COL4A4: variants seen among roughly 807,000 people sequenced by gnomAD.
The protein encoded by COL4A4 is collagen type IV alpha 4 chain.
A neutral mutation model predicts 192.9 loss-of-function variants in COL4A4; 105 were observed. The ratio of observed to expected loss-of-function variants is 0.54; its 90% CI spans 0.46 to 0.64. COL4A4 has a LOEUF of 0.64. Ranked by LOEUF, COL4A4 falls within the 30% of genes least tolerant of loss-of-function variation. COL4A4 has a pLI of 0.00. For synonymous variants in COL4A4, 762 were observed against 769.9 expected, an observed-to-expected ratio of 0.99 and a Z score of 0.17; for missense variants, 1,967 against 2,169.3, an observed-to-expected ratio of 0.91 and a Z score of 1.85.
At chr2:226,987,319 G>A in the COL4A4 span, among the ~76,000 whole-genome samples, 2 of 152,028 alleles carry the variant, frequency 1.3e-5, no homozygotes, top group Non-Finnish European at 2.9e-5. Flanking sequence ...TTCTGCACAC[G>A]TATCCCAGAA....
chr2:227,023,673 G>A (rs919029254), intron 43 of COL4A4, among the ~76,000 whole-genome samples: 5 of 152,056 alleles, frequency 3.3e-5, no homozygotes, highest in African/African-American at 4.8e-5. Context: ...AAATCCTCCC[G>A]AGAAGACTGT....
the COL4A4 span, among the ~76,000 whole-genome samples, chr2:226,993,624 T>C: frequency 6.6e-6 from 1 of 152,180 alleles, no homozygotes; most frequent in Non-Finnish European, 1.5e-5. Context: ...TGGGGTGTTC[T>C]AGTCAGGAAG....
chr2:227,109,088 G>A, intron 10 of COL4A4, 136 bp downstream of exon 10: 1 of 945,872 alleles, frequency 1.1e-6, no homozygotes, highest in Middle Eastern at 2.1e-4. Flanking sequence ...ACTGATAATG[G>A]TGGGTTTTCA....
chr2:227,017,666 C>A (rs958093246), intron 44 of COL4A4, among the ~76,000 whole-genome samples: 1 of 152,180 alleles, frequency 6.6e-6, no homozygotes, highest in African/African-American at 2.4e-5. Context: ...ACTAATCGAC[C>A]CACTTCGTGT....
chr2:227,009,524 C>T (rs1334141017), intron 46 of COL4A4, among the ~76,000 whole-genome samples: 2 of 151,942 alleles, frequency 1.3e-5, no homozygotes, highest in Admixed American at 1.3e-4. Context: ...GCCGCAAGAC[C>T]CCAGCTCTAC....
chr2:227,080,653 G>C (rs2059276133), intron 23 of COL4A4, 104 bp from the exon 24 acceptor site: 3 of 957,038 alleles, frequency 3.1e-6, no homozygotes, highest in Non-Finnish European at 4.9e-6. Flanking sequence ...TGGGTTGGTA[G>C]TTTCCTGTGT....
rs369714481 is a variant in COL4A4, at chr2:227,007,569, T to C, written c.4829A>G (p.Gln1610Arg). 5 of 1,612,614 alleles carry C rather than the reference T, an allele frequency of 3.1e-6. No homozygotes were observed. The African/African-American group carries it at 4.0e-5, about 13-fold the overall frequency. ...TGACATAAGGGCCTGCCCTCCTCCT[T>C]GGTCCCCAGCTCCTGTGTGCTACCC... The part of the protein sequence containing the change: ...SFLMHTGAGD[Q>R]GGGQALMSPG... Residue 1610 changes from glutamine to arginine, a missense_variant, in exon 48 of 48, where the codon CAA becomes CGA. Gln to Arg is a conservative substitution (Grantham distance 43). Transcript: ENST00000396625.
intron 20 of COL4A4, among the ~76,000 whole-genome samples, chr2:227,091,777 T>A (rs1366205008): frequency 6.6e-6 from 1 of 151,882 alleles, no homozygotes; most frequent in Admixed American, 6.6e-5. Context: ...GTGCCTGTCA[T>A]CCCAGCTACT....
At chr2:227,051,853 A>C (rs536913953) in intron 32 of COL4A4, among the ~76,000 whole-genome samples, 1 of 152,328 alleles carries the variant, frequency 6.6e-6, no homozygotes, top group East Asian at 1.9e-4. Flanking sequence ...AGCATGGAGA[A>C]GCAAAAAATG....
intron 25 of COL4A4, among the ~76,000 whole-genome samples, chr2:227,066,248 C>A (rs1160162707): frequency 6.6e-6 from 1 of 151,738 alleles, no homozygotes; most frequent in Non-Finnish European, 1.5e-5. Flanking sequence ...GATTGGTGTA[C>A]CTGAAAGTGA....
chr2:227,042,406 A>T, intron 36 of COL4A4, 151 bp from the exon 37 acceptor site: 1 of 628,480 alleles, frequency 1.6e-6, no homozygotes, highest in Non-Finnish European at 2.9e-6. Context: ...GGAGAAAAAT[A>T]CATTTAAATT....
At position 227,062,526 on chromosome 2, in the gene COL4A4, A is replaced by G. The variant is rs781318101; in HGVS notation, c.2056+4T>C. Reference sequence around the variant, plus strand: ...ATAAGACAGTAACTTCTCATTGATAATACCTGGAGGTCCATCAAAACCTGG... The same window carrying G: ...ATAAGACAGTAACTTCTCATTGATAGTACCTGGAGGTCCATCAAAACCTGG... On this transcript the variant is annotated splice_donor_region_variant and intron_variant, in intron 26 of 47. Transcript: ENST00000396625. 1 of 1,580,770 alleles carries G rather than the reference A, an allele frequency of 6.3e-7. No individual in the cohort carries two copies. The highest frequency in any genetic ancestry group is 1.7e-5 in the Admixed American group (1 of 59,970).
chr2:227,064,460 T>C (rs891722780), intron 25 of COL4A4, among the ~76,000 whole-genome samples: 6 of 152,158 alleles, frequency 3.9e-5, no homozygotes, highest in African/African-American at 1.4e-4. Flanking sequence ...AAAGAACTAA[T>C]TTGAGGCAGT....
intron 8 of COL4A4, among the ~76,000 whole-genome samples, chr2:227,113,489 AAC>A (rs2061332089): frequency 6.6e-6 from 1 of 152,222 alleles, no homozygotes; most frequent in South Asian, 2.1e-4. Context: ...AAATTATTAT[AAC>A]AGTCTTAACA....
chr2:226,969,923 A>G, the COL4A4 span, among the ~76,000 whole-genome samples: 1 of 151,982 alleles, frequency 6.6e-6, no homozygotes, highest in Non-Finnish European at 1.5e-5. Context: ...TTGAACTCAG[A>G]AGGAGGGTCT....
chr2:227,157,705 CA>C (rs2064466912), intron 1 of COL4A4, among the ~76,000 whole-genome samples: 1 of 151,648 alleles, frequency 6.6e-6, no homozygotes, highest in Non-Finnish European at 1.5e-5. Flanking sequence ...ACATAAGAAA[CA>C]ATAGAAAATT....
chr2:227,161,757 G>T (rs1384526232), intron 1 of COL4A4, among the ~76,000 whole-genome samples: 1 of 152,240 alleles, frequency 6.6e-6, no homozygotes, highest in African/African-American at 2.4e-5. Flanking sequence ...CTCCCAGGGA[G>T]GCCAATGCTG....
chr2:227,068,067 C>T (rs1276428659), intron 25 of COL4A4, among the ~76,000 whole-genome samples: 2 of 145,514 alleles, frequency 1.4e-5, no homozygotes, highest in Non-Finnish European at 3.0e-5. Context: ...ATACAAACTA[C>T]CATCAGAGAA....
At chr2:227,022,241 T>G in intron 43 of COL4A4, 68 bp from the exon 44 acceptor site, 3 of 1,578,036 alleles carry the variant, frequency 1.9e-6, no homozygotes, top group East Asian at 2.2e-5. Context: ...CTACAGTCTC[T>G]GGTTAAAGTT....
Sources: allele counts gnomAD v4.1 joint callset (sites outside exome capture counted in the v4.1 genomes callset), GRCh38; gene constraint gnomAD v4.1.1; transcripts MANE v1.5; gene names NCBI Gene and HGNC (gene_info 2026-07-23, HGNC 2026-07-21).